The following TMEM232 variants were observed in gnomAD, a reference collection of about 807,000 sequenced individuals.
The protein encoded by TMEM232 is transmembrane protein 232.
Under a neutral mutation model 78.8 loss-of-function variants are expected in TMEM232, and 80 were observed. The observed-to-expected ratio is 1.01, with a 90% confidence interval of 0.85 to 1.22. The LOEUF is 1.22. TMEM232 is among the 50% of genes most tolerant of loss of function. The pLI, the probability that TMEM232 is intolerant of heterozygous loss-of-function variation, is 0.00. For missense variants in TMEM232, 881 were observed against 742.2 expected (o/e 1.19, Z -2.17); for synonymous variants, 297 against 254.3 (o/e 1.17, Z -1.60).
At position 110,573,608 on chromosome 5, in the gene TMEM232, T is replaced by C. The variant is rs76004665; in HGVS notation, c.1277-4983A>G. On this transcript the variant is annotated intron_variant, in intron 10 of 13. Coordinates refer to ENST00000455884, the MANE Select transcript of TMEM232 (RefSeq NM_001039763.4). ...CAGAGACAGATATAAAGAAAGTAAGTATAACAGTATCAGTTTATTATGAAT... is the reference window on the plus strand; with the variant it reads ...CAGAGACAGATATAAAGAAAGTAAGCATAACAGTATCAGTTTATTATGAAT... 1.7e-4 allele frequency among the ~76,000 whole-genome samples: 26 copies of C among 152,192 alleles called. No homozygotes were observed. The East Asian group carries it at 5.0e-3, about 29-fold the overall frequency.
At chr5:110,726,750 T>G (rs1305405869), upstream of TMEM232, 1 of 152,178 alleles carries the variant, frequency 6.6e-6, no homozygotes, top group Non-Finnish European at 1.5e-5. Flanking sequence ...GACTTATAAG[T>G]GAATTTCCAC....
chr5:110,475,445 ATTTTTTT>A (rs61667699), intron 12 of TMEM232, among the ~76,000 whole-genome samples: 9 of 110,150 alleles, frequency 8.2e-5, no homozygotes, highest in African/African-American at 2.7e-4. Flanking sequence ...TTATACTTTG[ATTTTTTT>A]TTTTTTTTTT....
chr5:110,616,960 G>A (rs1580374465), intron 8 of TMEM232, among the ~76,000 whole-genome samples: 1 of 152,128 alleles, frequency 6.6e-6, no homozygotes, highest in East Asian at 1.9e-4. Context: ...TCAGTATGTT[G>A]AAGAGATAAC....
chr5:110,728,022 C>A (rs947399674), upstream of TMEM232, among the ~76,000 whole-genome samples: 4 of 151,910 alleles, frequency 2.6e-5, no homozygotes, highest in African/African-American at 7.3e-5. Flanking sequence ...TAAAAAAATA[C>A]AAACTGTTAA....
chr5:110,694,239 C>T (rs981745483), intron 1 of TMEM232, among the ~76,000 whole-genome samples: 3 of 152,140 alleles, frequency 2.0e-5, no homozygotes, highest in African/African-American at 7.2e-5. Context: ...AAATACTTTA[C>T]AGACAAGCAA....
intron 2 of TMEM232, among the ~76,000 whole-genome samples, chr5:110,412,511 T>TA (rs1025888398): frequency 1.3e-5 from 2 of 151,468 alleles, no homozygotes; most frequent in African/African-American, 2.4e-5. Context: ...ATATGTGACT[T>TA]AAAAAAAATC....
intron 11 of TMEM232, 128 bp from the exon 12 acceptor site, chr5:110,528,963 A>G: frequency 1.1e-6 from 1 of 940,350 alleles, no homozygotes; most frequent in African/African-American, 1.7e-5. Context: ...CCTGTTAAGT[A>G]AAAATAATCT....
intron 1 of TMEM232, among the ~76,000 whole-genome samples, chr5:110,696,290 A>G (rs1457556328): frequency 6.6e-6 from 1 of 152,216 alleles, no homozygotes; most frequent in Admixed American, 6.5e-5. Context: ...TTAGGTATTG[A>G]TGGGACGTAT....
chr5:110,613,485 C>T (rs187047520), intron 8 of TMEM232, among the ~76,000 whole-genome samples: 56 of 152,150 alleles, frequency 3.7e-4, no homozygotes, highest in Admixed American at 6.6e-4. Context: ...TGTTACTTTC[C>T]TGAAATGTAC....
intron 5 of TMEM232, among the ~76,000 whole-genome samples, chr5:110,636,002 T>C (rs893534699): frequency 2.6e-5 from 4 of 152,026 alleles, no homozygotes; most frequent in African/African-American, 4.8e-5. Context: ...AGTAAAGATA[T>C]GGAATTAACG....
intron 1 of TMEM232, among the ~76,000 whole-genome samples, chr5:110,692,929 C>A (rs371118754): frequency 6.6e-6 from 1 of 152,314 alleles, no homozygotes; most frequent in East Asian, 1.9e-4. Flanking sequence ...ACTTAAATGT[C>A]CCTGTCTGAC....
intron 10 of TMEM232, among the ~76,000 whole-genome samples, chr5:110,582,665 T>C (rs1778341835): frequency 6.6e-6 from 1 of 151,906 alleles, no homozygotes; most frequent in Admixed American, 6.6e-5. Flanking sequence ...CCAGAGCAAT[T>C]AGGCAAGATA....
rs1254224479 is a variant in TMEM232 at position 110,479,474 on chromosome 5, A to G, written c.1703+49114T>C. Among the ~76,000 whole-genome samples the G allele has an allele frequency of 2.6e-5, 4 of 151,400 alleles. No individual in the cohort carries two copies. In the South Asian group the frequency reaches 6.2e-4, roughly 24 times the overall value. ...AGTCACTAATACCTTCTCAAATACAACCTCTATGCTGCCTTATAACACTAG... is the reference window on the plus strand; with the variant it reads ...AGTCACTAATACCTTCTCAAATACAGCCTCTATGCTGCCTTATAACACTAG... On this transcript the variant is annotated intron_variant, in intron 12 of 13. Transcript: ENST00000455884.
At chr5:110,671,893 A>G (rs1791395491) in intron 1 of TMEM232, among the ~76,000 whole-genome samples, 1 of 152,178 alleles carries the variant, frequency 6.6e-6, no homozygotes, top group Non-Finnish European at 1.5e-5. Context: ...TTAAAATATA[A>G]TTTTAAAAAG....
chr5:110,662,676 A>G (rs1406270358), intron 2 of TMEM232, among the ~76,000 whole-genome samples: 3 of 152,192 alleles, frequency 2.0e-5, no homozygotes, highest in East Asian at 3.8e-4. Context: ...GCAGATAAGC[A>G]TATCAATTAC....
chr5:110,700,725 G>A (rs1375183517), intron 1 of TMEM232, among the ~76,000 whole-genome samples: 2 of 151,788 alleles, frequency 1.3e-5, no homozygotes, highest in African/African-American at 4.8e-5. Flanking sequence ...TAATCTGGGG[G>A]AAGTGAAGAT....
chr5:110,687,900 G>A (rs2150210384), intron 1 of TMEM232, among the ~76,000 whole-genome samples: 1 of 152,232 alleles, frequency 6.6e-6, no homozygotes, highest in East Asian at 1.9e-4. Context: ...TAGTGTGAAG[G>A]GAAAGGTGAG....
chr5:110,583,060 T>C (rs900907289), intron 10 of TMEM232, among the ~76,000 whole-genome samples: 5 of 151,968 alleles, frequency 3.3e-5, no homozygotes, highest in African/African-American at 1.2e-4. Context: ...CTTAATATTT[T>C]AAAAATGTTT....
intron 1 of TMEM232, among the ~76,000 whole-genome samples, chr5:110,705,375 C>T (rs1433886867): frequency 2.0e-5 from 3 of 151,916 alleles, no homozygotes; most frequent in Non-Finnish European, 4.4e-5. Flanking sequence ...TCAATACTTA[C>T]CAATCTAAAT....
Sources: allele counts gnomAD v4.1 joint callset (sites outside exome capture counted in the v4.1 genomes callset), GRCh38; gene constraint gnomAD v4.1.1; transcripts MANE v1.5; gene names NCBI Gene and HGNC (gene_info 2026-07-23, HGNC 2026-07-21).